GLIS3: variants seen among roughly 807,000 people sequenced by gnomAD.
The protein encoded by GLIS3 is GLIS family zinc finger 3.
Under a neutral mutation model 78.6 loss-of-function variants are expected in GLIS3, and 53 were observed. The ratio of observed to expected loss-of-function variants is 0.67; its 90% CI spans 0.54 to 0.85. The LOEUF (loss-of-function observed/expected upper bound fraction) is 0.85, where lower values mean the gene tolerates loss of function less well. Ranked by LOEUF, GLIS3 falls within the 40% of genes least tolerant of loss-of-function variation. GLIS3 has a pLI of 0.00. For synonymous variants in GLIS3, 684 were observed against 509.9 expected (o/e 1.34, Z -4.60); for missense variants, 1,703 against 1,231.1 (o/e 1.38, Z -5.74).
At chr9:4,067,643 G>A (rs1347266546) in intron 4 of GLIS3, among the ~76,000 whole-genome samples, 1 of 152,048 alleles carries the variant, frequency 6.6e-6, no homozygotes, top group Non-Finnish European at 1.5e-5. Context: ...TGAAACTAGA[G>A]CAAACACTCA....
intron 2 of GLIS3, among the ~76,000 whole-genome samples, chr9:4,167,316 T>A (rs1477748454): frequency 6.6e-6 from 1 of 152,212 alleles, no homozygotes; most frequent in Non-Finnish European, 1.5e-5. Flanking sequence ...TGAGTGAAAT[T>A]GCTAAATTCT....
At chr9:3,878,170 C>T (rs1366047580) in intron 8 of GLIS3, among the ~76,000 whole-genome samples, 1 of 152,066 alleles carries the variant, frequency 6.6e-6, no homozygotes, top group East Asian at 1.9e-4. Flanking sequence ...CCTTCAATGC[C>T]TACATCACTG....
chr9:4,008,806 G>C (rs904190036), intron 4 of GLIS3, among the ~76,000 whole-genome samples: 3 of 152,204 alleles, frequency 2.0e-5, no homozygotes, highest in Non-Finnish European at 4.4e-5. Flanking sequence ...AAACTTTAGA[G>C]ATGACTCTGT....
chr9:4,003,525 T>C (rs1821285698), intron 4 of GLIS3, among the ~76,000 whole-genome samples: 2 of 152,184 alleles, frequency 1.3e-5, no homozygotes, highest in Admixed American at 6.5e-5. Flanking sequence ...ATGCTATAAA[T>C]ACACACTGAA....
chr9:4,141,714 G>GT (rs1376461477), intron 2 of GLIS3, among the ~76,000 whole-genome samples: 1 of 152,150 alleles, frequency 6.6e-6, no homozygotes, highest in African/African-American at 2.4e-5. Flanking sequence ...GCTGAAAATT[G>GT]GAGAGGTAGG....
At chr9:4,404,705 A>T in the GLIS3 span, among the ~76,000 whole-genome samples, 1 of 152,172 alleles carries the variant, frequency 6.6e-6, no homozygotes, top group East Asian at 1.9e-4. Context: ...AAAACATATG[A>T]GATACAGTGA....
intron 4 of GLIS3, among the ~76,000 whole-genome samples, chr9:3,950,292 C>A (rs1816591423): frequency 6.6e-6 from 1 of 152,238 alleles, no homozygotes; most frequent in Non-Finnish European, 1.5e-5. Flanking sequence ...TAGTGTCACA[C>A]TGCAGCTGGA....
chr9:4,468,529 C>T, the GLIS3 span, among the ~76,000 whole-genome samples: 1 of 152,148 alleles, frequency 6.6e-6, no homozygotes, highest in African/African-American at 2.4e-5. Context: ...CATATCCAGC[C>T]AAACTAAACT....
In GLIS3 at chr9:3,902,595, C is replaced by A. The variant is rs60809147; in HGVS notation, c.1984-3760G>T. Among the ~76,000 whole-genome samples the A allele has an allele frequency of 2.9e-3, 443 of 152,250 alleles. 3 individuals carry two copies. The highest frequency in any genetic ancestry group is 9.9e-3 in the African/African-American group (413 of 41,554). ...AGGGAGGGTCTTTACTTGTGGTTCC[C>A]AATCTTGGGGATGTATCAGAATCAC... On this transcript the variant is annotated intron_variant, in intron 6 of 10. Transcript: ENST00000381971.
At chr9:4,164,226 C>G (rs1019936755) in intron 2 of GLIS3, among the ~76,000 whole-genome samples, 5 of 152,166 alleles carry the variant, frequency 3.3e-5, no homozygotes, top group Non-Finnish European at 7.3e-5. Flanking sequence ...TCTCTCTCAG[C>G]TTATCTCTGT....
chr9:4,418,565 G>A, the GLIS3 span, among the ~76,000 whole-genome samples: 22 of 152,180 alleles, frequency 1.4e-4, no homozygotes, highest in Non-Finnish European at 2.8e-4. Flanking sequence ...TGGGCGTAGT[G>A]GCAGGTGCCT....
chr9:3,949,954 C>G (rs1816566834), intron 4 of GLIS3, among the ~76,000 whole-genome samples: 1 of 152,196 alleles, frequency 6.6e-6, no homozygotes, highest in Non-Finnish European at 1.5e-5. Flanking sequence ...GCCCTACTGC[C>G]TATTCAACAT....
intron 2 of GLIS3, among the ~76,000 whole-genome samples, chr9:4,174,793 C>T (rs942659299): frequency 2.6e-5 from 4 of 152,194 alleles, no homozygotes; most frequent in Non-Finnish European, 4.4e-5. Flanking sequence ...AGGCAGTACA[C>T]GTTGATTCCA....
At chr9:3,994,552 AAT>A (rs1413704972) in intron 4 of GLIS3, among the ~76,000 whole-genome samples, 3 of 152,202 alleles carry the variant, frequency 2.0e-5, no homozygotes, top group Non-Finnish European at 2.9e-5. Flanking sequence ...TAATTATTAA[AAT>A]ATGTTTTTGA....
At chr9:4,264,664 C>A (rs1289714891) in intron 2 of GLIS3, among the ~76,000 whole-genome samples, 1 of 152,122 alleles carries the variant, frequency 6.6e-6, no homozygotes, top group African/African-American at 2.4e-5. Flanking sequence ...GAGAAGCCTT[C>A]CCTAAATGTC....
At chr9:4,370,512 C>G in the GLIS3 span, among the ~76,000 whole-genome samples, 1 of 152,110 alleles carries the variant, frequency 6.6e-6, no homozygotes, top group African/African-American at 2.4e-5. Context: ...TCCAAATTGT[C>G]AAGACCTTTG....
At chr9:4,388,708 CAAAA>C in the GLIS3 span, among the ~76,000 whole-genome samples, 1 of 151,702 alleles carries the variant, frequency 6.6e-6, no homozygotes, top group African/African-American at 2.4e-5. Flanking sequence ...ATAAAGTGGA[CAAAA>C]AATAAAAGTC....
chr9:4,436,810 C>CAAT, the GLIS3 span, among the ~76,000 whole-genome samples: 5 of 53,592 alleles, frequency 9.3e-5, no homozygotes, highest in African/African-American at 3.6e-4. Flanking sequence ...GACTGCATCT[C>CAAT]AAAAAAAAAA....
At chr9:4,073,307 A>G (rs1384991273) in intron 4 of GLIS3, among the ~76,000 whole-genome samples, 1 of 152,216 alleles carries the variant, frequency 6.6e-6, no homozygotes, top group African/African-American at 2.4e-5. Flanking sequence ...ACCTCAGTGC[A>G]CAATCAAATC....
Sources: allele counts gnomAD v4.1 joint callset (sites outside exome capture counted in the v4.1 genomes callset), GRCh38; gene constraint gnomAD v4.1.1; transcripts MANE v1.5; gene names NCBI Gene and HGNC (gene_info 2026-07-23, HGNC 2026-07-21).